The following TNS1 variants were observed in gnomAD, a reference collection of about 807,000 sequenced individuals.
TNS1 encodes the protein tensin-1.
In TNS1, 62 loss-of-function variants were observed where a neutral mutation model predicts 168.6. That is an observed-to-expected ratio of 0.37 (90% CI 0.30 to 0.45). The LOEUF is 0.45. Among genes scored for constraint, TNS1 ranks in the 20% least tolerant of loss-of-function variants. The pLI is 1.00. For synonymous variants in TNS1, 934 were observed against 933.2 expected, an observed-to-expected ratio of 1.00 and a Z score of -0.02; for missense variants, 2,240 against 2,339.4, an observed-to-expected ratio of 0.96 and a Z score of 0.88.
At chr2:217,971,578 G>T (rs1013818691) in intron 3 of TNS1, among the ~76,000 whole-genome samples, 3 of 152,150 alleles carry the variant, frequency 2.0e-5, no homozygotes, top group Non-Finnish European at 4.4e-5. Context: ...ACTTCTCTCG[G>T]ATAAATATCT....
At chr2:217,814,020 G>A (rs1038165328) in intron 25 of TNS1, 1 of 490,084 alleles carries the variant, frequency 2.0e-6, no homozygotes, top group Non-Finnish European at 3.3e-6. Context: ...TTGTTTTTGT[G>A]AGACCGGGCC....
intron 3 of TNS1, among the ~76,000 whole-genome samples, chr2:217,968,672 A>T (rs1575146116): frequency 6.6e-6 from 1 of 152,304 alleles, no homozygotes; most frequent in East Asian, 1.9e-4. Context: ...CATGAATCAG[A>T]AAACTCAAAA....
At chr2:217,930,539 G>A (rs1279904236) in intron 3 of TNS1, among the ~76,000 whole-genome samples, 1 of 152,232 alleles carries the variant, frequency 6.6e-6, no homozygotes, top group Non-Finnish European at 1.5e-5. Context: ...CCAGGACCCT[G>A]GAGTGGCCTC....
intron 19 of TNS1, among the ~76,000 whole-genome samples, chr2:217,838,951 C>A (rs553018431): frequency 1.3e-5 from 2 of 152,062 alleles, no homozygotes; most frequent in East Asian, 3.9e-4. Context: ...ACCCTCCACC[C>A]CAGGACTTTC....
intron 19 of TNS1, among the ~76,000 whole-genome samples, chr2:217,838,027 T>G (rs577834407): frequency 6.6e-6 from 1 of 152,336 alleles, no homozygotes; most frequent in African/African-American, 2.4e-5. Flanking sequence ...ACATAGCCAT[T>G]GATTTTCTAA....
chr2:217,997,594 G>T (rs1192314098), intron 1 of TNS1, among the ~76,000 whole-genome samples: 1 of 152,174 alleles, frequency 6.6e-6, no homozygotes, highest in African/African-American at 2.4e-5. Context: ...TTTCCCAGTC[G>T]CTCTTTCTTT....
chr2:217,938,442 G>T (rs1425437867), intron 3 of TNS1, among the ~76,000 whole-genome samples: 1 of 152,246 alleles, frequency 6.6e-6, no homozygotes, highest in Non-Finnish European at 1.5e-5. Context: ...TATATGGCAT[G>T]CAGGAAGAGT....
At chr2:217,886,853 T>C (rs1240013824) in intron 12 of TNS1, among the ~76,000 whole-genome samples, 1 of 152,098 alleles carries the variant, frequency 6.6e-6, no homozygotes, top group East Asian at 1.9e-4. Flanking sequence ...TGAGCAGGTA[T>C]ACCAGACCTA....
At chr2:217,906,268 C>CCCCCCCCCCCCCT in intron 6 of TNS1, 67 bp downstream of exon 6, 1 of 651,602 alleles carries the variant, frequency 1.5e-6, no homozygotes, top group South Asian at 1.5e-5. Context: ...ATCCACCTCC[C>CCCCCCCCCCCCCT]ACCCCACCCC....
At chr2:217,809,480 GATGGATGGATGC>G (rs1940265872) in intron 30 of TNS1, among the ~76,000 whole-genome samples, 1 of 28,872 alleles carries the variant, frequency 3.5e-5, no homozygotes. Context: ...TGGATGGATG[GATGGATGGATGC>G]ATGGATGGAT....
chr2:218,031,149 G>A (rs1168267813), intron 1 of TNS1, among the ~76,000 whole-genome samples: 1 of 117,588 alleles, frequency 8.5e-6, no homozygotes, highest in Non-Finnish European at 1.6e-5. Flanking sequence ...TGTATGTGTT[G>A]TGTGAGCATG....
At chr2:217,864,812 C>T (rs1259194624) in intron 18 of TNS1, among the ~76,000 whole-genome samples, 2 of 152,226 alleles carry the variant, frequency 1.3e-5, no homozygotes, top group African/African-American at 2.4e-5. Flanking sequence ...TGATCCCAAA[C>T]AGGCCCATTC....
chr2:217,805,481 A>ACAC (rs1559131685), intron 32 of TNS1, among the ~76,000 whole-genome samples: 1 of 16,488 alleles, frequency 6.1e-5, no homozygotes, highest in African/African-American at 5.0e-4. Context: ...CACACCACAC[A>ACAC]CACCACACAC....
At chr2:217,818,881 C>A (rs1213874103) in intron 23 of TNS1, 122 bp from the exon 24 acceptor site, 3 of 755,162 alleles carry the variant, frequency 4.0e-6, no homozygotes, top group African/African-American at 3.5e-5. Flanking sequence ...ACTGGCAGTG[C>A]GGAAGGACAT....
At chr2:217,895,834 C>T (rs1952234870) in intron 8 of TNS1, among the ~76,000 whole-genome samples, 1 of 152,180 alleles carries the variant, frequency 6.6e-6, no homozygotes. Flanking sequence ...CTCAAAGGCA[C>T]TGTGTCATCT....
chr2:217,873,386 C>T (rs1434796997), intron 18 of TNS1, among the ~76,000 whole-genome samples: 4 of 152,162 alleles, frequency 2.6e-5, no homozygotes, highest in Admixed American at 2.6e-4. Flanking sequence ...AGGCTTCTCC[C>T]TCATCTCAGT....
In TNS1 at chr2:217,847,973, G is replaced by T. The variant is rs150797591; in HGVS notation, c.2544C>A (p.Ser848=). 1 of 1,511,236 alleles carries T rather than the reference G, an allele frequency of 6.6e-7. No homozygotes were observed. Among genetic ancestry groups the T allele is most frequent in the Admixed American group, 2.2e-5 (1 of 45,868 alleles). 93.6% of individuals were successfully genotyped at this position (1,511,236 alleles called of 1,614,324 possible). A position where few individuals can be genotyped will look rare whatever the true frequency, so the allele number is the denominator to read the frequency against. Residue 848 remains serine, a synonymous_variant, in exon 19 of 33, where the codon TCC becomes TCA. Coordinates refer to ENST00000682258, the MANE Select transcript of TNS1 (RefSeq NM_001387777.1). ...GGGACTTGTGTAGTGGGGCAGCAGC[G>T]GAGGCTGGCTCCAGGTCCAGCATCA... ...NMLMLDLEPA[S]AAAPLHKSQS... is the part of the protein sequence containing the mutation.
In TNS1 at chr2:217,802,274, A is replaced by G. The variant is rs190241001; in HGVS notation, c.*2185T>C. On this transcript the variant is annotated 3_prime_UTR_variant, in exon 33 of 33. Transcript: ENST00000682258. ...TGGAGGGACTTTGGTCACCAGGCAC[A>G]AGGTTTCACTCTGGGAAGCAGGGGG... 7.9e-5 allele frequency: 12 copies of G among 152,292 alleles called. No homozygotes were observed. Among genetic ancestry groups the G allele is most frequent in the Middle Eastern group, 6.8e-3 (2 of 294 alleles). The allele number at this position is 152,292 out of a possible 1,614,324, so 9.4% of individuals were successfully genotyped here.
Position 217,880,873 on chromosome 2 carries a change from C to T in TNS1, c.1429+25G>A. On this transcript the variant is annotated intron_variant, in intron 18 of 32. Coordinates refer to ENST00000682258, the MANE Select transcript of TNS1 (RefSeq NM_001387777.1). The surrounding 1 kb of genome is among the most constrained non-coding windows in gnomAD (Gnocchi z 4.2). ...AGAGGCTGTGCAGTTTGGATAGGGG[C>T]TGGGAGCCACTAGGTCCCACCTACC... 1 of 1,553,824 alleles carries T rather than the reference C, an allele frequency of 6.4e-7. No individual in the cohort carries two copies. Among genetic ancestry groups the T allele is most frequent in the Non-Finnish European group, 8.9e-7 (1 of 1,125,122 alleles).
Sources: gnomAD v4.1 joint callset for allele counts (sites outside exome capture counted in the v4.1 genomes callset) on GRCh38, gnomAD v4.1.1 for gene constraint, Gnocchi (gnomAD v3.1) non-coding constraint, MANE v1.5 for transcripts, NCBI Gene and HGNC (gene_info 2026-07-23, HGNC 2026-07-21) for gene names.